The following RNF19B variants were observed in gnomAD, a reference collection of about 807,000 sequenced individuals.
RNF19B encodes the protein ring finger protein 19B.
A neutral mutation model predicts 65.5 loss-of-function variants in RNF19B; 23 were observed. The observed-to-expected ratio is 0.35, with a 90% CI of 0.25 to 0.50. The LOEUF (loss-of-function observed/expected upper bound fraction) is 0.50, where lower values mean the gene tolerates loss of function less well. RNF19B is among the 20% of genes least tolerant of loss of function. RNF19B has a pLI of 0.98. For synonymous variants in RNF19B, 372 were observed against 379.6 expected (o/e 0.98, Z 0.23); for missense variants, 794 against 980.0 (o/e 0.81, Z 2.53).
intron 8 of RNF19B, 193 bp from the exon 9 acceptor site, chr1:32,937,452 C>T (rs1295152832): frequency 2.2e-6 from 2 of 891,006 alleles, no homozygotes; most frequent in Admixed American, 2.2e-5. Flanking sequence ...TGGCTCATGC[C>T]TATAACCCCA....
the RNF19B span, among the ~76,000 whole-genome samples, chr1:32,929,124 G>A: frequency 5.9e-5 from 9 of 152,084 alleles, no homozygotes; most frequent in Non-Finnish European, 8.8e-5. Context: ...CGCGGGCTGT[G>A]GGGGAGGATC....
Position 32,959,560 on chromosome 1 carries a change from T to G in RNF19B, c.635+4491A>C, listed in dbSNP as rs952777209. Among the ~76,000 whole-genome samples, 5 of 152,310 alleles carry G rather than the reference T, an allele frequency of 3.3e-5. No individual in the cohort carries two copies. The East Asian group carries it at 9.6e-4, about 29-fold the overall frequency. On this transcript the variant is annotated intron_variant, in intron 1 of 8. Transcript: ENST00000235150. ...TAAACTTCTCTGAACTGGTTTCTCC[T>G]TTATAAAATGCACGCCAATATCCAC... is the stretch of plus-strand genomic sequence containing the variant.
At chr1:32,946,691 A>G in intron 3 of RNF19B, 127 bp from the exon 4 acceptor site, 1 of 809,620 alleles carries the variant, frequency 1.2e-6, no homozygotes, top group Admixed American at 2.9e-5. Context: ...GGAAATGAAT[A>G]CATTACACAA....
intron 8 of RNF19B, 93 bp from the exon 9 acceptor site, chr1:32,937,352 A>G (rs1339149620): frequency 1.3e-6 from 2 of 1,591,470 alleles, no homozygotes; most frequent in Non-Finnish European, 1.7e-6. Flanking sequence ...TAGGAATTTC[A>G]AAAAGATAGG....
intron 7 of RNF19B, among the ~76,000 whole-genome samples, chr1:32,940,519 G>C (rs1642208026): frequency 1.3e-5 from 2 of 152,036 alleles, no homozygotes. Context: ...TCCTCTTTGG[G>C]CTTTCATGTT....
At chr1:32,933,316 G>A (rs183722437), downstream of RNF19B, among the ~76,000 whole-genome samples, 357 of 151,722 alleles carry the variant, frequency 2.4e-3, 4 homozygotes, top group Middle Eastern at 6.8e-3. Flanking sequence ...GTGCAGTGGC[G>A]CAATCTCAGC....
At chr1:32,945,386 C>T (rs1045125337) in intron 5 of RNF19B, 128 bp downstream of exon 5, 8 of 575,036 alleles carry the variant, frequency 1.4e-5, no homozygotes, top group Non-Finnish European at 2.6e-5. Flanking sequence ...ATCATGGTGC[C>T]TAACAGAATT....
In RNF19B at chr1:32,964,285, A is replaced by C; in HGVS notation, c.401T>G (p.Leu134Arg). 1 of 1,528,376 alleles carries C rather than the reference A, an allele frequency of 6.5e-7. No homozygotes were observed. The highest frequency in any genetic ancestry group is 8.8e-7 in the Non-Finnish European group (1 of 1,140,882). The allele number at this position is 1,528,376 out of a possible 1,614,324, so 94.7% of individuals were successfully genotyped here. A position where few individuals can be genotyped will look rare whatever the true frequency, so the allele number is the denominator to read the frequency against. ...VRLPPERAPRLLSCPHRSCRD... is the reference protein window; with the variant it reads ...VRLPPERAPRRLSCPHRSCRD... ...GCACGAGCGGTGCGGACAGCTGAGG[A>C]GGCGCGGGGCCCGCTCAGGCGGCAG... Residue 134 changes from leucine (L) to arginine (R), a missense_variant, in exon 1 of 9, where the codon CTC (leucine) becomes CGC (arginine). This residue lies in a region of RNF19B where 374 missense variants were observed against 423.8 expected (regional missense o/e 0.88). Transcript: ENST00000235150. This position sits in a 1 kb window ranked among gnomAD's most constrained non-coding sequence, Gnocchi z 6.5.
chr1:32,955,684 G>C (rs1642620774), intron 1 of RNF19B, among the ~76,000 whole-genome samples: 1 of 151,546 alleles, frequency 6.6e-6, no homozygotes, highest in African/African-American at 2.4e-5. Flanking sequence ...GGGAGGTGGA[G>C]GCTGCAGTGA....
At chr1:32,941,183 A>C (rs1008963634) in intron 7 of RNF19B, among the ~76,000 whole-genome samples, 1 of 152,096 alleles carries the variant, frequency 6.6e-6, no homozygotes, top group African/African-American at 2.4e-5. Context: ...TGATTGTGCC[A>C]CTGCATTCCA....
intron 7 of RNF19B, among the ~76,000 whole-genome samples, chr1:32,941,974 G>A (rs1642245645): frequency 6.6e-6 from 1 of 152,098 alleles, no homozygotes; most frequent in African/African-American, 2.4e-5. Flanking sequence ...GCGGGTGCCT[G>A]TAATCCCAGC....
chr1:32,945,485 G>A, intron 5 of RNF19B, 29 bp downstream of exon 5: 1 of 1,382,340 alleles, frequency 7.2e-7, no homozygotes, highest in Non-Finnish European at 1.0e-6. Flanking sequence ...AAAGCTGAGA[G>A]AGAAGAGGTG....
At chr1:32,961,796 G>A (rs1351588815) in intron 1 of RNF19B, among the ~76,000 whole-genome samples, 3 of 151,986 alleles carry the variant, frequency 2.0e-5, no homozygotes, top group African/African-American at 7.3e-5. Flanking sequence ...CACCAAGCTT[G>A]AAAATTATTT....
At chr1:32,963,386 T>C (rs1322105273) in intron 1 of RNF19B, among the ~76,000 whole-genome samples, 1 of 152,048 alleles carries the variant, frequency 6.6e-6, no homozygotes, top group African/African-American at 2.4e-5. Flanking sequence ...ATTCCCTCCT[T>C]GGCCAAATAT....
At chr1:32,949,924 A>G (rs1289940778) in intron 1 of RNF19B, 150 bp from the exon 2 acceptor site, 1 of 629,742 alleles carries the variant, frequency 1.6e-6, no homozygotes, top group Non-Finnish European at 2.8e-6. Context: ...ATACACACAC[A>G]AGCACATTTG....
intron 1 of RNF19B, among the ~76,000 whole-genome samples, chr1:32,952,429 TAAAAAAAAAAAAAAAAAA>T (rs375150376): frequency 1.4e-5 from 1 of 73,998 alleles, no homozygotes; most frequent in Non-Finnish European, 2.4e-5. Context: ...CCTTTTCTCT[TAAAAAAAAAAAAAAAAAA>T]AAAAAAAAAA....
chr1:32,963,471 T>C (rs1642819097), intron 1 of RNF19B, among the ~76,000 whole-genome samples: 1 of 151,924 alleles, frequency 6.6e-6, no homozygotes, highest in South Asian at 2.1e-4. Flanking sequence ...ATCCCAGCAC[T>C]TTGGGAGGCC....
rs757388727 is a variant in RNF19B at position 32,942,314 on chromosome 1, T to C, written c.1548A>G (p.Ala516=). Residue 516 remains alanine (A), a synonymous_variant, in exon 7 of 9, where the codon GCA becomes GCG. Coordinates refer to ENST00000235150, the MANE Select transcript of RNF19B (RefSeq NM_001300826.2). ...CACTCAGCGTGCCCCCTGAGAGGGC[T>C]GCAAAGCTGGCCGTTTCGCTGTAAG... ...QGPYSETASF[A]ALSGGTLSGG... The C allele has an allele frequency of 6.2e-7, 1 of 1,614,160 alleles. No homozygotes were observed. Among genetic ancestry groups the C allele is most frequent in the East Asian group, 2.2e-5 (1 of 44,884 alleles).
chr1:32,936,596 A>C lies in RNF19B; in HGVS notation c.*210T>G. On this transcript the variant is annotated 3_prime_UTR_variant, in exon 9 of 9. Coordinates refer to ENST00000235150, the MANE Select transcript of RNF19B (RefSeq NM_001300826.2). ...CAATAAATTAAAACTAAAAAGAGGG[A>C]GGGGAGGGGAGGGGAACTAACGGCA... is the stretch of plus-strand genomic sequence containing the variant. The C allele has an allele frequency of 2.1e-6, 1 of 475,930 alleles. No individual in the cohort carries two copies. The highest frequency in any genetic ancestry group is 3.7e-6 in the Non-Finnish European group (1 of 271,324). The allele number at this position is 475,930 out of a possible 1,614,324, so 29.5% of individuals were successfully genotyped here.
Sources: allele counts gnomAD v4.1 joint callset (sites outside exome capture counted in the v4.1 genomes callset), GRCh38; gene constraint gnomAD v4.1.1; regional missense constraint gnomAD v4.1.1; non-coding constraint Gnocchi (gnomAD v3.1); transcripts MANE v1.5; gene names NCBI Gene and HGNC (gene_info 2026-07-23, HGNC 2026-07-21).